The following CLIP4 variants were observed in gnomAD, a reference collection of about 807,000 sequenced individuals.
CLIP4 encodes the protein CAP-Gly domain containing linker protein family member 4, also known as CAP-Gly domain-containing linker protein 4.
A neutral mutation model predicts 73.1 loss-of-function variants in CLIP4; 47 were observed. The ratio of observed to expected loss-of-function variants is 0.64; its 90% CI spans 0.51 to 0.82. The LOEUF is 0.82. CLIP4 is among the 40% of genes least tolerant of loss of function. The probability of loss-of-function intolerance (pLI) is 0.00; values close to 1 mark genes in which losing one functional copy is unlikely to be tolerated. For missense variants in CLIP4, 874 were observed against 852.9 expected, an observed-to-expected ratio of 1.02 and a Z score of -0.31; for synonymous variants, 306 against 295.4, an observed-to-expected ratio of 1.04 and a Z score of -0.37.
chr2:29,119,330 C>T (rs1016516909), intron 1 of CLIP4, among the ~76,000 whole-genome samples: 8 of 152,112 alleles, frequency 5.3e-5, no homozygotes, highest in African/African-American at 1.9e-4. Context: ...CGATAGAGTT[C>T]GTATCTTTGA....
At chr2:29,122,207 G>A (rs368952044) in intron 2 of CLIP4, among the ~76,000 whole-genome samples, 4 of 149,734 alleles carry the variant, frequency 2.7e-5, no homozygotes, top group East Asian at 3.9e-4. Flanking sequence ...AGTCATATTC[G>A]TTGTAGTATA....
At chr2:29,149,165 TGGCTAC>T (rs1666373201) in intron 8 of CLIP4, among the ~76,000 whole-genome samples, 1 of 152,184 alleles carries the variant, frequency 6.6e-6, no homozygotes, top group Non-Finnish European at 1.5e-5. Flanking sequence ...CAGATGGACG[TGGCTAC>T]GGTTCAATAA....
upstream of CLIP4, chr2:29,115,234 C>CG (rs1488640076): frequency 1.3e-5 from 2 of 151,922 alleles, no homozygotes; most frequent in Non-Finnish European, 2.9e-5. The surrounding 1 kb of genome is among the most constrained non-coding windows in gnomAD (Gnocchi z 5.1). Context: ...GCTGTGAAGG[C>CG]GGTGGGCACG....
intron 9 of CLIP4, among the ~76,000 whole-genome samples, chr2:29,154,504 T>C (rs546511449): frequency 2.0e-5 from 3 of 152,304 alleles, no homozygotes; most frequent in African/African-American, 4.8e-5. Context: ...TTGGTTTTTC[T>C]TCTGTTTTCT....
chr2:29,116,442 G>T (rs1663845392), intron 1 of CLIP4, among the ~76,000 whole-genome samples: 1 of 152,220 alleles, frequency 6.6e-6, no homozygotes, highest in African/African-American at 2.4e-5. Flanking sequence ...TAAAACGGGC[G>T]CCTTTGAAAG....
At chr2:29,166,445 C>A (rs186591170) in intron 13 of CLIP4, among the ~76,000 whole-genome samples, 20 of 151,924 alleles carry the variant, frequency 1.3e-4, no homozygotes, top group African/African-American at 4.8e-4. Flanking sequence ...TAATACCTTT[C>A]TTCTGCTAAT....
chr2:29,122,826 CAAAAAAAAA>C lies in CLIP4; in HGVS notation c.133+1321_133+1329del, dbSNP rs11364909. Among the ~76,000 whole-genome samples the C allele has an allele frequency of 6.5e-5, 4 of 61,932 alleles. No individual in the cohort carries two copies. The East Asian group carries it at 1.7e-3, about 27-fold the overall frequency. The allele number at this position is 61,932 out of a possible 152,430, so 40.6% of individuals were successfully genotyped here. A position where few individuals can be genotyped will look rare whatever the true frequency, so the allele number is the denominator to read the frequency against. The stretch of plus-strand genomic sequence containing the variant: ...GGGCCACAGAGTGAGACTTTGTCTC[CAAAAAAAAA>C]AAAAAAAAAAAAAAAGCATTGTAGT... On this transcript the variant is annotated intron_variant, in intron 2 of 15. Transcript: ENST00000320081.
At chr2:29,100,513 G>T (rs868346064) in intron 1 of CLIP4, among the ~76,000 whole-genome samples, 11 of 151,776 alleles carry the variant, frequency 7.2e-5, no homozygotes, top group Non-Finnish European at 1.6e-4. Context: ...CAGTAAGTAG[G>T]TATTGAGTAC....
intron 15 of CLIP4, among the ~76,000 whole-genome samples, chr2:29,180,840 AT>A (rs1668603804): frequency 6.7e-6 from 1 of 150,264 alleles, no homozygotes; most frequent in Non-Finnish European, 1.5e-5. Flanking sequence ...ATATATATGT[AT>A]GTGTGTGTGT....
At chr2:29,157,501 C>A in intron 11 of CLIP4, 154 bp downstream of exon 11, 1 of 1,107,664 alleles carries the variant, frequency 9.0e-7, no homozygotes, top group Non-Finnish European at 1.3e-6. Context: ...AACCTTAAGC[C>A]TTAAGGTCTC....
chr2:29,164,398 AATAG>A (rs1436342735), intron 13 of CLIP4, among the ~76,000 whole-genome samples: 8 of 152,206 alleles, frequency 5.3e-5, no homozygotes, highest in Non-Finnish European at 7.3e-5. Context: ...AGTTTTCAAA[AATAG>A]ATAGGCAGTA....
chr2:29,171,194 T>G (rs1667978354), intron 14 of CLIP4, among the ~76,000 whole-genome samples: 1 of 152,226 alleles, frequency 6.6e-6, no homozygotes, highest in Non-Finnish European at 1.5e-5. Context: ...TGGGAAGAAC[T>G]GACATGTTAA....
At position 29,141,251 on chromosome 2, in the gene CLIP4, A is replaced by C. The variant is rs75131111; in HGVS notation, c.649-2458A>C. ...TGAGACTTGCTTTATGACCATGGTC[A>C]ATCTTTGAGTATGTTCCATGTGCAA... is the stretch of plus-strand genomic sequence containing the variant. On this transcript the variant is annotated intron_variant, in intron 6 of 15. Transcript: ENST00000320081. 2.2e-3 allele frequency among the ~76,000 whole-genome samples: 330 copies of C among 152,296 alleles called. 1 individual carries two copies. The highest frequency in any genetic ancestry group is 7.7e-3 in the African/African-American group (322 of 41,576).
intron 1 of CLIP4, among the ~76,000 whole-genome samples, chr2:29,102,097 G>C (rs1170089235): frequency 6.6e-6 from 1 of 152,124 alleles, no homozygotes; most frequent in Non-Finnish European, 1.5e-5. Flanking sequence ...GTCATTTCTG[G>C]TGGTCAGGAA....
rs1388623799 is a variant in CLIP4 at position 29,182,219 on chromosome 2, A to G, written c.*326A>G. 5.5e-6 allele frequency: 1 copy of G among 181,928 alleles called. No homozygotes were observed. The highest frequency in any genetic ancestry group is 1.1e-5 in the Non-Finnish European group (1 of 87,568). 11.3% of individuals were successfully genotyped at this position (181,928 alleles called of 1,614,324 possible). On this transcript the variant is annotated 3_prime_UTR_variant, in exon 16 of 16. Coordinates refer to ENST00000320081, the MANE Select transcript of CLIP4 (RefSeq NM_024692.6). Reference sequence around the variant, plus strand: ...ATTCTGTTTTGTTTTTGCACATCATAATGGATTTTTCTTAGTGCCCTAATT... The same window carrying G: ...ATTCTGTTTTGTTTTTGCACATCATGATGGATTTTTCTTAGTGCCCTAATT...
At chr2:29,126,538 C>T (rs1229048272) in intron 2 of CLIP4, among the ~76,000 whole-genome samples, 3 of 152,206 alleles carry the variant, frequency 2.0e-5, no homozygotes, top group Admixed American at 2.0e-4. Flanking sequence ...CTGGCATCTA[C>T]AAGGCACTTA....
chr2:29,134,080 G>A (rs115785549), intron 5 of CLIP4, among the ~76,000 whole-genome samples: 1 of 152,098 alleles, frequency 6.6e-6, no homozygotes, highest in South Asian at 2.1e-4. Context: ...AGTATAACAC[G>A]GATGTTTTAT....
At chr2:29,109,567 T>C (rs1668329454) in intron 1 of CLIP4, among the ~76,000 whole-genome samples, 1 of 152,180 alleles carries the variant, frequency 6.6e-6, no homozygotes, top group Non-Finnish European at 1.5e-5. Context: ...TATTGTTAAC[T>C]ATAGTTATCC....
chr2:29,100,223 C>T (rs964696616), intron 1 of CLIP4, among the ~76,000 whole-genome samples: 3 of 152,110 alleles, frequency 2.0e-5, no homozygotes, highest in Admixed American at 6.5e-5. Flanking sequence ...AGCCACCATG[C>T]CTGGCCACAA....
Sources: gnomAD v4.1 joint callset for allele counts (sites outside exome capture counted in the v4.1 genomes callset) on GRCh38, gnomAD v4.1.1 for gene constraint, Gnocchi (gnomAD v3.1) non-coding constraint, MANE v1.5 for transcripts, NCBI Gene and HGNC (gene_info 2026-07-23, HGNC 2026-07-21) for gene names.